The following NRXN3 variants were observed in gnomAD, a reference collection of about 807,000 sequenced individuals.
NRXN3 encodes the protein neurexin 3, also known as neurexin III.
NRXN3 carries 32 observed loss-of-function variants against 137.6 expected under a neutral mutation model. That is an observed-to-expected ratio of 0.23 (90% CI 0.18 to 0.31). The LOEUF (loss-of-function observed/expected upper bound fraction) is 0.31. Among genes scored for constraint, NRXN3 ranks in the 10% least tolerant of loss-of-function variants. The probability of loss-of-function intolerance (pLI) is 1.00; values close to 1 mark genes in which losing one functional copy is unlikely to be tolerated. For missense variants in NRXN3, 1,574 were observed against 2,062.5 expected, an observed-to-expected ratio of 0.76 and a Z score of 4.59; for synonymous variants, 798 against 784.5, an observed-to-expected ratio of 1.02 and a Z score of -0.29.
chr14:78,973,005 C>A (rs556699012), intron 14 of NRXN3: 37 of 152,262 alleles, frequency 2.4e-4, no homozygotes, highest in African/African-American at 7.7e-4. Context: ...AGCTGTCACA[C>A]CTCTTGGACA....
chr14:79,762,200 A>T (rs1272691552), intron 19 of NRXN3, among the ~76,000 whole-genome samples: 1 of 151,646 alleles, frequency 6.6e-6, no homozygotes, highest in Non-Finnish European at 1.5e-5. Flanking sequence ...CAGTATTAGA[A>T]AAATTGCTAG....
In NRXN3 at chr14:79,466,080, A is replaced by C. The variant is rs192100506; in HGVS notation, c.3263-1141A>C. ...AGTAACTCCTGAGTTCATATGGATA[A>C]TAGTAAAAACACAAGTAAAGAGTAA... is the stretch of plus-strand genomic sequence containing the variant. On this transcript the variant is annotated intron_variant, in intron 15 of 20. Transcript: ENST00000335750. Among the ~76,000 whole-genome samples the C allele has an allele frequency of 6.4e-3, 981 of 152,350 alleles. 8 individuals are homozygous for C. Among genetic ancestry groups the C allele is most frequent in the African/African-American group, 0.022 (907 of 41,578 alleles).
chr14:79,701,618 A>G (rs1359894329), intron 19 of NRXN3, among the ~76,000 whole-genome samples: 1 of 152,066 alleles, frequency 6.6e-6, no homozygotes, highest in Non-Finnish European at 1.5e-5. Flanking sequence ...GGCAGGAAGT[A>G]GAGGGTGCCA....
At chr14:79,091,391 C>T (rs999339291) in intron 15 of NRXN3, among the ~76,000 whole-genome samples, 1 of 152,074 alleles carries the variant, frequency 6.6e-6, no homozygotes, top group Non-Finnish European at 1.5e-5. Context: ...GGAGTTAATA[C>T]AAGTAGTATT....
chr14:78,894,566 C>G (rs2099168116), intron 10 of NRXN3, among the ~76,000 whole-genome samples: 1 of 151,888 alleles, frequency 6.6e-6, no homozygotes, highest in African/African-American at 2.4e-5. Context: ...GAATCTTTTC[C>G]AAACTCCTGT....
chr14:78,520,025 T>G (rs1388494457), intron 4 of NRXN3, among the ~76,000 whole-genome samples: 1 of 152,208 alleles, frequency 6.6e-6, no homozygotes, highest in Admixed American at 6.5e-5. Context: ...CAAATGCCTC[T>G]GAAACAGTTG....
At chr14:79,339,198 G>A (rs61993069) in intron 15 of NRXN3, among the ~76,000 whole-genome samples, 1 of 152,176 alleles carries the variant, frequency 6.6e-6, no homozygotes, top group Non-Finnish European at 1.5e-5. Flanking sequence ...AGCCAAAGAT[G>A]TGGTTATTTT....
chr14:79,211,346 A>T (rs1365433025), intron 15 of NRXN3, among the ~76,000 whole-genome samples: 1 of 152,176 alleles, frequency 6.6e-6, no homozygotes, highest in African/African-American at 2.4e-5. Context: ...GAAGAAATGA[A>T]AATACTTCCT....
At chr14:78,511,886 C>G (rs2096115380) in intron 4 of NRXN3, among the ~76,000 whole-genome samples, 1 of 152,126 alleles carries the variant, frequency 6.6e-6, no homozygotes, top group Non-Finnish European at 1.5e-5. Context: ...GGACCCACTT[C>G]TATGAGAGCA....
At chr14:79,838,543 A>G (rs1386449455) in intron 20 of NRXN3, among the ~76,000 whole-genome samples, 1 of 152,224 alleles carries the variant, frequency 6.6e-6, no homozygotes, top group Admixed American at 6.5e-5. Context: ...AGCACAAGCA[A>G]TATGTCAGCA....
intron 4 of NRXN3, among the ~76,000 whole-genome samples, chr14:78,454,598 G>T (rs561969032): frequency 6.6e-6 from 1 of 152,300 alleles, no homozygotes; most frequent in African/African-American, 2.4e-5. Flanking sequence ...TAATGCTGTG[G>T]CCTCTCTACA....
chr14:78,562,258 G>A (rs745815159), intron 4 of NRXN3, among the ~76,000 whole-genome samples: 4 of 151,928 alleles, frequency 2.6e-5, no homozygotes, highest in Non-Finnish European at 5.9e-5. Context: ...TTAGTCAGGT[G>A]TGGTGGCACA....
At chr14:79,202,254 G>A (rs2066144510) in intron 15 of NRXN3, among the ~76,000 whole-genome samples, 2 of 151,940 alleles carry the variant, frequency 1.3e-5, no homozygotes, top group Non-Finnish European at 2.9e-5. Context: ...GAGTTGGGGG[G>A]TAGGCAGAAG....
intron 4 of NRXN3, among the ~76,000 whole-genome samples, chr14:78,512,188 C>T (rs1319712741): frequency 6.6e-6 from 1 of 152,096 alleles, no homozygotes; most frequent in Admixed American, 6.6e-5. Context: ...AGTCAGTCAC[C>T]AGACATGTAA....
At chr14:79,240,404 C>T (rs537090905) in intron 15 of NRXN3, among the ~76,000 whole-genome samples, 1 of 152,176 alleles carries the variant, frequency 6.6e-6, no homozygotes, top group South Asian at 2.1e-4. Context: ...ACTAATTCAC[C>T]CTGGAATACT....
At chr14:79,125,972 T>C (rs978167497) in intron 15 of NRXN3, among the ~76,000 whole-genome samples, 4 of 152,166 alleles carry the variant, frequency 2.6e-5, no homozygotes, top group Admixed American at 1.3e-4. Flanking sequence ...TTAACAGAAC[T>C]ATTTTTTCAG....
chr14:78,250,016 T>A (rs1316199584), intron 2 of NRXN3: 2 of 484,176 alleles, frequency 4.1e-6, no homozygotes, highest in Admixed American at 4.4e-5. Context: ...GCTCACACTG[T>A]CTTAGGTGCT....
chr14:79,217,631 T>C (rs1488943274), intron 15 of NRXN3, among the ~76,000 whole-genome samples: 2 of 152,134 alleles, frequency 1.3e-5, no homozygotes, highest in Non-Finnish European at 2.9e-5. Context: ...CATACATAAG[T>C]GATGTTCTAG....
At chr14:78,743,972 A>T (rs1009882585) in intron 8 of NRXN3, among the ~76,000 whole-genome samples, 3 of 152,358 alleles carry the variant, frequency 2.0e-5, no homozygotes, top group African/African-American at 7.2e-5. Context: ...CATTGTGGAC[A>T]ATAAAATCCT....
Sources: allele counts gnomAD v4.1 joint callset (sites outside exome capture counted in the v4.1 genomes callset), GRCh38; gene constraint gnomAD v4.1.1; transcripts MANE v1.5; gene names NCBI Gene and HGNC (gene_info 2026-07-23, HGNC 2026-07-21).